DIAPH3: variants seen among roughly 807,000 people sequenced by gnomAD.
DIAPH3 encodes the protein diaphanous related formin 3, also known as protein diaphanous homolog 3.
A neutral mutation model predicts 144.3 loss-of-function variants in DIAPH3; 117 were observed. That is an observed-to-expected ratio of 0.81 (90% CI 0.70 to 0.95). The LOEUF is 0.95. Among genes scored for constraint, DIAPH3 ranks in the 40% least tolerant of loss-of-function variants. DIAPH3 has a pLI of 0.00. For missense variants in DIAPH3, 1,421 were observed against 1,412.7 expected, an observed-to-expected ratio of 1.01 and a Z score of -0.09; for synonymous variants, 519 against 488.9, an observed-to-expected ratio of 1.06 and a Z score of -0.81.
chr13:59,844,544 A>G lies in DIAPH3; in HGVS notation c.2738-5096T>C, dbSNP rs952128425. Among the ~76,000 whole-genome samples the G allele has an allele frequency of 9.2e-5, 14 of 151,694 alleles. 1 individual carries two copies. The highest frequency in any genetic ancestry group is 1.3e-4 in the Non-Finnish European group (9 of 67,946). ...GAAAAAACAAAACAAAACAAAAACT[A>G]TATCAGGGAGTATTAAATTGTACAC... On this transcript the variant is annotated intron_variant, in intron 22 of 27. Transcript: ENST00000400324.
chr13:59,916,829 T>C (rs990991176), intron 18 of DIAPH3, among the ~76,000 whole-genome samples: 1 of 152,176 alleles, frequency 6.6e-6, no homozygotes, highest in Non-Finnish European at 1.5e-5. Context: ...TATCCAGTTT[T>C]AGAAAACAAA....
At position 60,092,524 on chromosome 13, in the gene DIAPH3, G is replaced by A. The variant is rs527576373; in HGVS notation, c.495+1104C>T. Among the ~76,000 whole-genome samples the A allele has an allele frequency of 2.0e-3, 299 of 152,258 alleles. 2 individuals carry two copies. The highest frequency in any genetic ancestry group is 2.8e-3 in the Non-Finnish European group (192 of 68,004). On this transcript the variant is annotated intron_variant, in intron 4 of 27. Coordinates refer to ENST00000400324, the MANE Select transcript of DIAPH3 (RefSeq NM_001042517.2). ...AAAATTTCCAGGCGTGGTGGCAGGCGCCTGTAGTCCCAGCTACTCCGGAGG... is the reference window on the plus strand; with the variant it reads ...AAAATTTCCAGGCGTGGTGGCAGGCACCTGTAGTCCCAGCTACTCCGGAGG...
In DIAPH3 at chr13:59,787,443, C is replaced by T. The variant is rs2039092982; in HGVS notation, c.3164-12620G>A. 2.0e-5 allele frequency among the ~76,000 whole-genome samples: 3 copies of T among 152,166 alleles called. No individual in the cohort carries two copies. The South Asian group carries it at 6.2e-4, about 32-fold the overall frequency. On this transcript the variant is annotated intron_variant, in intron 25 of 27. Transcript: ENST00000400324. ...ATCTAAAAATCAAATAGGACAGGTA[C>T]AGTGGCTCATGCCTGTACCCTCAGG... is the stretch of plus-strand genomic sequence containing the variant.
rs1593537843 is a variant in DIAPH3 at position 59,666,919 on chromosome 13, T to C, written c.3320-73A>G. 2.0e-5 allele frequency: 30 copies of C among 1,526,048 alleles called. No homozygotes were observed. The East Asian group carries it at 6.6e-4, about 34-fold the overall frequency. 94.5% of individuals were successfully genotyped at this position (1,526,048 alleles called of 1,614,324 possible). A position where few individuals can be genotyped will look rare whatever the true frequency, so the allele number is the denominator to read the frequency against. ...AGGACTGTGCACGTTATGAAACACA[T>C]TTAAAATAATTATTCTCAATAAATA... On this transcript the variant is annotated intron_variant, in intron 27 of 27. Transcript: ENST00000400324.
At chr13:59,846,003 T>C (rs894037763) in intron 22 of DIAPH3, among the ~76,000 whole-genome samples, 1 of 152,142 alleles carries the variant, frequency 6.6e-6, no homozygotes, top group Admixed American at 6.6e-5. Flanking sequence ...TATAACAGAT[T>C]AAATATCCCA....
intron 25 of DIAPH3, among the ~76,000 whole-genome samples, chr13:59,784,041 C>T (rs1440757091): frequency 2.0e-5 from 3 of 152,144 alleles, no homozygotes; most frequent in Non-Finnish European, 4.4e-5. Context: ...TCCACTGTCT[C>T]CTGACATACT....
intron 27 of DIAPH3, among the ~76,000 whole-genome samples, chr13:59,772,763 T>A (rs1197798527): frequency 6.6e-6 from 1 of 152,082 alleles, no homozygotes; most frequent in Admixed American, 6.6e-5. Flanking sequence ...AATCATTGTG[T>A]TTGGCTGTGG....
intron 25 of DIAPH3, among the ~76,000 whole-genome samples, chr13:59,788,059 T>C (rs1478235162): frequency 2.6e-5 from 4 of 152,186 alleles, no homozygotes; most frequent in Non-Finnish European, 5.9e-5. Context: ...ATATTTTTTA[T>C]AGCAGACTGA....
chr13:59,920,915 A>C lies in DIAPH3; in HGVS notation c.2170+3860T>G, dbSNP rs192621123. Among the ~76,000 whole-genome samples the C allele has an allele frequency of 3.7e-3, 566 of 152,026 alleles. 3 individuals carry two copies. Among genetic ancestry groups the C allele is most frequent in the African/African-American group, 0.013 (543 of 41,550 alleles). Reference sequence around the variant, plus strand: ...ATATTTTCTGACCACAATGGAATAAAACTAGAAATCAGTACAGAAGAAAAT... The same window carrying C: ...ATATTTTCTGACCACAATGGAATAACACTAGAAATCAGTACAGAAGAAAAT... On this transcript the variant is annotated intron_variant, in intron 18 of 27. Coordinates refer to ENST00000400324, the MANE Select transcript of DIAPH3 (RefSeq NM_001042517.2).
intron 1 of DIAPH3, among the ~76,000 whole-genome samples, chr13:60,136,657 C>T (rs2059285190): frequency 6.6e-6 from 1 of 152,046 alleles, no homozygotes; most frequent in East Asian, 1.9e-4. Context: ...ACAATTCTGC[C>T]GGGCGCGGCG....
intron 12 of DIAPH3, among the ~76,000 whole-genome samples, chr13:59,989,423 A>G (rs2051663566): frequency 6.6e-6 from 1 of 151,880 alleles, no homozygotes; most frequent in African/African-American, 2.4e-5. Flanking sequence ...TAACAACAAC[A>G]ATAATAAATA....
At chr13:60,128,766 G>T (rs2059058083) in intron 2 of DIAPH3, among the ~76,000 whole-genome samples, 1 of 151,254 alleles carries the variant, frequency 6.6e-6, no homozygotes, top group East Asian at 1.9e-4. Context: ...CAATTTAGTG[G>T]ATTCAATTAC....
intron 17 of DIAPH3, among the ~76,000 whole-genome samples, chr13:59,926,465 A>T (rs1044316833): frequency 6.6e-6 from 1 of 152,058 alleles, no homozygotes; most frequent in African/African-American, 2.4e-5. Flanking sequence ...CTTCCCTCCT[A>T]GTACTGTTTG....
chr13:60,013,100 C>T (rs2053389361), intron 7 of DIAPH3: 4 of 985,176 alleles, frequency 4.1e-6, no homozygotes, highest in Non-Finnish European at 4.8e-6. Context: ...GTTAGAGAGG[C>T]ATGACAAATT....
chr13:59,670,621 C>G (rs1157261401), intron 27 of DIAPH3, among the ~76,000 whole-genome samples: 2 of 145,970 alleles, frequency 1.4e-5, no homozygotes, highest in East Asian at 2.0e-4. Flanking sequence ...CTTGCTCTGT[C>G]GCCCAGGCTG....
intron 2 of DIAPH3, among the ~76,000 whole-genome samples, chr13:60,115,728 G>A (rs2058686355): frequency 6.6e-6 from 1 of 152,016 alleles, no homozygotes; most frequent in African/African-American, 2.4e-5. Flanking sequence ...TGAGAAAACA[G>A]ACTATTATTT....
intron 25 of DIAPH3, among the ~76,000 whole-genome samples, chr13:59,800,061 C>T (rs2039824270): frequency 6.6e-6 from 1 of 152,114 alleles, no homozygotes; most frequent in Admixed American, 6.5e-5. Flanking sequence ...ATTGTCAAAA[C>T]TTCTGTTTCA....
chr13:59,796,028 A>C (rs113524900), intron 25 of DIAPH3, among the ~76,000 whole-genome samples: 3 of 152,154 alleles, frequency 2.0e-5, no homozygotes, highest in African/African-American at 7.2e-5. Context: ...AAGGAGAAAA[A>C]AGATTGAAAC....
chr13:60,156,949 T>A (rs1207113114), intron 1 of DIAPH3, among the ~76,000 whole-genome samples: 1,990 of 52,054 alleles, frequency 0.038, 127 homozygotes, highest in African/African-American at 0.11. Flanking sequence ...ATTTTTTTTT[T>A]TTTTTTTTTT....
Sources: allele counts gnomAD v4.1 joint callset (sites outside exome capture counted in the v4.1 genomes callset), GRCh38; gene constraint gnomAD v4.1.1; transcripts MANE v1.5; gene names NCBI Gene and HGNC (gene_info 2026-07-23, HGNC 2026-07-21).